PDZD8: variants seen among roughly 807,000 people sequenced by gnomAD.
PDZD8 encodes PDZ domain-containing protein 8.
A neutral mutation model predicts 85.8 loss-of-function variants in PDZD8; 14 were observed. The observed-to-expected ratio is 0.16, with a 90% CI of 0.11 to 0.26. The LOEUF is 0.26. Among genes scored for constraint, PDZD8 ranks in the 10% least tolerant of loss-of-function variants. The pLI, the probability that PDZD8 is intolerant of heterozygous loss-of-function variation, is 1.00. For missense variants in PDZD8, 1,197 were observed against 1,424.3 expected, an observed-to-expected ratio of 0.84 and a Z score of 2.57; for synonymous variants, 592 against 568.6, an observed-to-expected ratio of 1.04 and a Z score of -0.59.
intron 1 of PDZD8, among the ~76,000 whole-genome samples, chr10:117,367,402 C>T (rs536195399): frequency 7.3e-6 from 1 of 136,272 alleles, no homozygotes; most frequent in South Asian, 2.5e-4. Flanking sequence ...GAGTGAGACT[C>T]CGTCTCAAAA....
intron 2 of PDZD8, among the ~76,000 whole-genome samples, chr10:117,330,931 A>G (rs1844410982): frequency 6.6e-6 from 1 of 152,128 alleles, no homozygotes; most frequent in Non-Finnish European, 1.5e-5. Context: ...AAAATCTACA[A>G]TCCATCTAGT....
At chr10:117,320,567 T>C (rs1269249081) in intron 2 of PDZD8, among the ~76,000 whole-genome samples, 1 of 152,032 alleles carries the variant, frequency 6.6e-6, no homozygotes. Context: ...GACCTGAATA[T>C]AAAAGCTAAA....
intron 1 of PDZD8, among the ~76,000 whole-genome samples, chr10:117,348,338 T>G (rs890642277): frequency 1.3e-5 from 2 of 152,222 alleles, no homozygotes; most frequent in Non-Finnish European, 2.9e-5. Context: ...TATAAAGCAC[T>G]TTATTTGCTC....
chr10:117,309,582 G>A (rs947971029), intron 3 of PDZD8, among the ~76,000 whole-genome samples: 3 of 151,792 alleles, frequency 2.0e-5, no homozygotes, highest in African/African-American at 7.3e-5. Flanking sequence ...TCCATTCCCA[G>A]TGGTATTCAA....
At chr10:117,302,437 C>T (rs769911287) in intron 3 of PDZD8, among the ~76,000 whole-genome samples, 1 of 152,212 alleles carries the variant, frequency 6.6e-6, no homozygotes, top group South Asian at 2.1e-4. Context: ...GTTTTTATCA[C>T]TTGGCATAAA....
chr10:117,367,137 G>A (rs777614122), intron 1 of PDZD8, among the ~76,000 whole-genome samples: 13 of 152,140 alleles, frequency 8.5e-5, no homozygotes, highest in Non-Finnish European at 1.6e-4. Context: ...CTCCCGGCAG[G>A]GTGTGAATCA....
At chr10:117,286,089 TAAAC>T (rs1162786064) in intron 4 of PDZD8, among the ~76,000 whole-genome samples, 1 of 152,264 alleles carries the variant, frequency 6.6e-6, no homozygotes, top group Non-Finnish European at 1.5e-5. Context: ...GCTTTAAAGT[TAAAC>T]AAGCTGGTTA....
At chr10:117,373,250 A>C (rs1254494121) in intron 1 of PDZD8, among the ~76,000 whole-genome samples, 2 of 152,192 alleles carry the variant, frequency 1.3e-5, no homozygotes, top group East Asian at 3.8e-4. Context: ...GGAAGGCTTA[A>C]ACAAAATTAA....
intron 1 of PDZD8, among the ~76,000 whole-genome samples, chr10:117,357,141 C>T (rs774436147): frequency 1.2e-4 from 18 of 152,136 alleles, no homozygotes; most frequent in Middle Eastern, 3.2e-3. Flanking sequence ...GCCTGTAATC[C>T]CAGCACTTTG....
At chr10:117,349,267 T>C (rs1312489067) in intron 1 of PDZD8, among the ~76,000 whole-genome samples, 2 of 151,472 alleles carry the variant, frequency 1.3e-5, no homozygotes, top group Non-Finnish European at 2.9e-5. Context: ...AGGAAATAAA[T>C]AGGAGAGGCA....
In PDZD8 at chr10:117,374,905, T is replaced by C; in HGVS notation, c.323A>G (p.Glu108Gly). 6.2e-7 allele frequency: 1 copy of C among 1,612,952 alleles called. No individual in the cohort carries two copies. Among genetic ancestry groups the C allele is most frequent in the Non-Finnish European group, 8.5e-7 (1 of 1,179,784 alleles). The stretch of plus-strand genomic sequence containing the variant: ...GCGGGTCAGCGCGGTGTCCCGCAAC[T>C]CCCGGAACAGGAATAGGATGGTGGC... ...LNATILFLFR[E>G]LRDTALTRRW... is the part of the protein sequence containing the mutation. Residue 108 changes from glutamate (E) to glycine (G), a missense_variant, in exon 1 of 5, where the codon GAG (glutamate) becomes GGG (glycine). Physicochemically the swap from Glu to Gly is moderately conservative, Grantham distance 98 (BLOSUM62 -2). Around this residue, in one of 4 missense-constraint regions of PDZD8, gnomAD observed 344 missense variants for 453.6 expected, o/e 0.76. Coordinates refer to ENST00000334464, the MANE Select transcript of PDZD8 (RefSeq NM_173791.5). This position sits in a 1 kb window ranked among gnomAD's most constrained non-coding sequence, Gnocchi z 7.8.
At chr10:117,346,992 T>A (rs2532796) in intron 1 of PDZD8, among the ~76,000 whole-genome samples, 1 of 151,760 alleles carries the variant, frequency 6.6e-6, no homozygotes, top group Non-Finnish European at 1.5e-5. Flanking sequence ...TCTTTTGAGC[T>A]ACCCACTTTC....
At chr10:117,315,262 G>T (rs1844103416) in intron 3 of PDZD8, among the ~76,000 whole-genome samples, 1 of 152,142 alleles carries the variant, frequency 6.6e-6, no homozygotes, top group South Asian at 2.1e-4. Flanking sequence ...AAAATAGGAA[G>T]AGAGAGGGAA....
chr10:117,339,136 A>C (rs1207497959), intron 2 of PDZD8, among the ~76,000 whole-genome samples: 1 of 12,348 alleles, frequency 8.1e-5, no homozygotes, highest in African/African-American at 1.8e-4. Context: ...ACCAAAAAAA[A>C]AAAAAAAAAA....
intron 3 of PDZD8, among the ~76,000 whole-genome samples, chr10:117,302,332 C>A (rs567853179): frequency 6.6e-6 from 1 of 152,170 alleles, no homozygotes; most frequent in South Asian, 2.1e-4. Flanking sequence ...AACTGTCTTA[C>A]CAGCAAAGAG....
At position 117,324,020 on chromosome 10, in the gene PDZD8, G is replaced by A. The variant is rs535418900; in HGVS notation, c.996-5046C>T. 1.5e-4 allele frequency among the ~76,000 whole-genome samples: 23 copies of A among 152,010 alleles called. No homozygotes were observed. In the South Asian group the frequency reaches 3.1e-3, roughly 21 times the overall value. On this transcript the variant is annotated intron_variant, in intron 2 of 4. Coordinates refer to ENST00000334464, the MANE Select transcript of PDZD8 (RefSeq NM_173791.5). Reference sequence around the variant, plus strand: ...AGGAGGGTGGATCACTTGAGCCCAGGAGTTTGAGACCAGCCTGGCCAACAT... The same window carrying A: ...AGGAGGGTGGATCACTTGAGCCCAGAAGTTTGAGACCAGCCTGGCCAACAT...
intron 1 of PDZD8, among the ~76,000 whole-genome samples, chr10:117,366,096 C>A (rs1206312462): frequency 2.0e-5 from 3 of 151,790 alleles, no homozygotes; most frequent in Non-Finnish European, 4.4e-5. Context: ...GAGGGATTAC[C>A]CCCTCCTCCA....
intron 2 of PDZD8, among the ~76,000 whole-genome samples, chr10:117,334,672 C>G (rs771899569): frequency 5.8e-4 from 88 of 151,688 alleles, no homozygotes; most frequent in Admixed American, 1.5e-3. Context: ...TAGGAAATAT[C>G]AACATAGAAA....
intron 2 of PDZD8, 104 bp downstream of exon 2, chr10:117,340,876 T>C (rs1018048507): frequency 1.6e-6 from 2 of 1,268,520 alleles, no homozygotes; most frequent in African/African-American, 1.5e-5. Context: ...AATTTACAGG[T>C]AAATAATATA....
Sources: gnomAD v4.1 joint callset for allele counts (sites outside exome capture counted in the v4.1 genomes callset) on GRCh38, gnomAD v4.1.1 for gene constraint, gnomAD v4.1.1 regional missense constraint, Gnocchi (gnomAD v3.1) non-coding constraint, MANE v1.5 for transcripts, NCBI Gene and HGNC (gene_info 2026-07-23, HGNC 2026-07-21) for gene names.